The following NLRP3 variants were observed in gnomAD, a reference collection of about 807,000 sequenced individuals.
The protein encoded by NLRP3 is NACHT, LRR and PYD domains-containing protein 3.
A neutral mutation model predicts 91.3 loss-of-function variants in NLRP3; 48 were observed. The ratio of observed to expected loss-of-function variants is 0.53; its 90% CI spans 0.42 to 0.67. The LOEUF (loss-of-function observed/expected upper bound fraction) is 0.67, where lower values mean the gene tolerates loss of function less well. Ranked by LOEUF, NLRP3 falls within the 30% of genes least tolerant of loss-of-function variation. The pLI is 0.00. For missense variants in NLRP3, 982 were observed against 1,276.9 expected (o/e 0.77, Z 3.52); for synonymous variants, 561 against 507.9 (o/e 1.10, Z -1.41).
chr1:247,419,958 G>A (rs944130123), intron 2 of NLRP3, among the ~76,000 whole-genome samples: 4 of 152,146 alleles, frequency 2.6e-5, no homozygotes, highest in Non-Finnish European at 2.9e-5. Flanking sequence ...TGAATCATAC[G>A]GTAATTCTGT....
chr1:247,438,511 G>A (rs569654670), intron 7 of NLRP3, among the ~76,000 whole-genome samples: 282 of 150,510 alleles, frequency 1.9e-3, no homozygotes, highest in Admixed American at 3.3e-3. Flanking sequence ...AGCCTTCTGA[G>A]TAGCAGGGAC....
chr1:247,417,727 C>A (rs1662157681), intron 1 of NLRP3, among the ~76,000 whole-genome samples: 1 of 152,120 alleles, frequency 6.6e-6, no homozygotes, highest in African/African-American at 2.4e-5. Context: ...CTCAGGTGAT[C>A]CGCCCACCTC....
Position 247,444,064 on chromosome 1 carries a change from GCAA to G in NLRP3, c.2759_2761del (p.Asn920del), listed in dbSNP as rs1239740707. The stretch of plus-strand genomic sequence containing the variant: ...AATCTCACGCACCTTTACCTGCGAG[GCAA>G]CACTCTCGGAGACAAGGGGATCAAA... On this transcript the variant is annotated inframe_deletion, in exon 8 of 10. Transcript: ENST00000336119. 1.2e-6 allele frequency: 2 copies of G among 1,614,092 alleles called. No homozygotes were observed. Among genetic ancestry groups the G allele is most frequent in the South Asian group, 2.2e-5 (2 of 91,074 alleles).
intron 5 of NLRP3, 37 bp from the exon 6 acceptor site, chr1:247,434,066 T>C: frequency 6.2e-7 from 1 of 1,609,834 alleles, no homozygotes; most frequent in Non-Finnish European, 8.5e-7. Flanking sequence ...TGGTCAGGTG[T>C]GTTCTGATGC....
chr1:247,446,644 G>A (rs1558211872), intron 9 of NLRP3, among the ~76,000 whole-genome samples: 2 of 149,828 alleles, frequency 1.3e-5, no homozygotes, highest in South Asian at 2.1e-4. Flanking sequence ...TCTTCTCTGC[G>A]AGGCTGTCTT....
intron 2 of NLRP3, among the ~76,000 whole-genome samples, chr1:247,421,659 A>G (rs2103095769): frequency 6.6e-6 from 1 of 152,284 alleles, no homozygotes; most frequent in East Asian, 1.9e-4. Context: ...TAACTGGCCC[A>G]TGGTTTATTT....
chr1:247,419,134 T>C (rs1266960389), intron 2 of NLRP3, 57 bp downstream of exon 2: 1 of 1,405,802 alleles, frequency 7.1e-7, no homozygotes, highest in African/African-American at 1.5e-5. Context: ...TAGTGTACAA[T>C]TTTCCATCTT....
At chr1:247,422,434 A>G (rs1011757904) in intron 2 of NLRP3, among the ~76,000 whole-genome samples, 1 of 151,616 alleles carries the variant, frequency 6.6e-6, no homozygotes, top group East Asian at 1.9e-4. Flanking sequence ...ACCTGAAGTT[A>G]TCTGTCTTAT....
intron 6 of NLRP3, among the ~76,000 whole-genome samples, chr1:247,434,541 GA>G (rs1663647917): frequency 6.6e-6 from 1 of 152,116 alleles, no homozygotes; most frequent in Non-Finnish European, 1.5e-5. Context: ...CTGACAAAAA[GA>G]AAAAATCAGT....
chr1:247,437,063 C>T (rs1663842936), intron 7 of NLRP3, among the ~76,000 whole-genome samples: 1 of 152,164 alleles, frequency 6.6e-6, no homozygotes, highest in African/African-American at 2.4e-5. Context: ...TCTGTGACCT[C>T]CCAAGCCACT....
At chr1:247,448,128 T>G (rs1314501924) in intron 9 of NLRP3, among the ~76,000 whole-genome samples, 2 of 151,776 alleles carry the variant, frequency 1.3e-5, no homozygotes, top group Non-Finnish European at 2.9e-5. Context: ...GGTCTGAGGC[T>G]CCCAGTGACG....
Position 247,436,084 on chromosome 1 carries a change from A to C in NLRP3, c.2607A>C (p.Gly869=), listed in dbSNP as rs775434208. The C allele has an allele frequency of 1.2e-6, 2 of 1,614,202 alleles. No individual in the cohort carries two copies. The highest frequency in any genetic ancestry group is 4.5e-5 in the East Asian group (2 of 44,878). The change falls in exon 7 of 10, where the codon GGA becomes GGC. Residue 869 remains glycine (G), a synonymous_variant. Coordinates refer to ENST00000336119, the MANE Select transcript of NLRP3 (RefSeq NM_001243133.2). ...YVGENALGDS[G]VAILCEKAKN... ...GGGAGAATGCCTTGGGAGACTCAGG[A>C]GTCGCAATTTTATGTGAAAAAGCCA...
intron 9 of NLRP3, among the ~76,000 whole-genome samples, chr1:247,446,456 A>T (rs933211600): frequency 6.6e-6 from 1 of 152,146 alleles, no homozygotes; most frequent in African/African-American, 2.4e-5. Context: ...GCTTCCGAAG[A>T]TTCCGCTTCT....
intron 6 of NLRP3, 90 bp downstream of exon 6, chr1:247,434,363 A>G: frequency 7.0e-7 from 1 of 1,418,806 alleles, no homozygotes. Context: ...CTGGGGTTTG[A>G]GTGAGAATGG....
chr1:247,439,886 C>A (rs1371765883), intron 7 of NLRP3, among the ~76,000 whole-genome samples: 1 of 152,150 alleles, frequency 6.6e-6, no homozygotes, highest in Non-Finnish European at 1.5e-5. Context: ...CTATTACAAA[C>A]AACTCTGCAA....
chr1:247,423,843 G>A lies in NLRP3; in HGVS notation c.398-4G>A, dbSNP rs776409846. 2.2e-5 allele frequency: 36 copies of A among 1,613,218 alleles called. No homozygotes were observed. Among genetic ancestry groups the A allele is most frequent in the South Asian group, 5.5e-5 (5 of 90,860 alleles). On this transcript the variant is annotated splice_polypyrimidine_tract_variant and splice_region_variant and intron_variant, in intron 3 of 9. Coordinates refer to ENST00000336119, the MANE Select transcript of NLRP3 (RefSeq NM_001243133.2). The stretch of plus-strand genomic sequence containing the variant: ...TTCCCCCTAACTTCCTGTCTTTGCC[G>A]TAGATTACCGTAAGAAGTACAGAAA...
chr1:247,420,246 A>G (rs543195753), intron 2 of NLRP3, among the ~76,000 whole-genome samples: 1 of 152,110 alleles, frequency 6.6e-6, no homozygotes, highest in East Asian at 1.9e-4. Context: ...TTCTTTTCTC[A>G]TTTTCAGACC....
At chr1:247,426,228 G>C (rs1023767289) in intron 4 of NLRP3, among the ~76,000 whole-genome samples, 1 of 152,202 alleles carries the variant, frequency 6.6e-6, no homozygotes, top group Admixed American at 6.5e-5. Flanking sequence ...AAGGGAAATA[G>C]AGCAGAAATG....
intron 2 of NLRP3, 83 bp from the exon 3 acceptor site, chr1:247,423,147 T>A: frequency 6.3e-7 from 1 of 1,592,686 alleles, no homozygotes; most frequent in Non-Finnish European, 8.6e-7. Flanking sequence ...GTCTCCTCTC[T>A]CATGCCAAAT....
Sources: gnomAD v4.1 joint callset for allele counts (sites outside exome capture counted in the v4.1 genomes callset) on GRCh38, gnomAD v4.1.1 for gene constraint, MANE v1.5 for transcripts, NCBI Gene and HGNC (gene_info 2026-07-23, HGNC 2026-07-21) for gene names.